OPCML: variants seen among roughly 807,000 people sequenced by gnomAD.
OPCML encodes opioid-binding protein/cell adhesion molecule.
Under a neutral mutation model 37.8 loss-of-function variants are expected in OPCML, and 13 were observed. The observed-to-expected ratio is 0.34, with a 90% confidence interval of 0.22 to 0.55. The LOEUF is 0.55. OPCML is among the 20% of genes least tolerant of loss of function. The pLI, the probability that OPCML is intolerant of heterozygous loss-of-function variation, is 0.91. For missense variants in OPCML, 341 were observed against 435.6 expected (o/e 0.78, Z 1.93); for synonymous variants, 176 against 168.8 (o/e 1.04, Z -0.33).
chr11:132,766,461 A>G (rs1946445427), intron 2 of OPCML, among the ~76,000 whole-genome samples: 1 of 152,194 alleles, frequency 6.6e-6, no homozygotes, highest in South Asian at 2.1e-4. Flanking sequence ...TTTCATGTAT[A>G]TGGTATTCCT....
intron 1 of OPCML, among the ~76,000 whole-genome samples, chr11:133,378,807 AT>A (rs916165024): frequency 5.9e-5 from 9 of 151,884 alleles, no homozygotes; most frequent in Admixed American, 5.2e-4. Context: ...ATCAGAGGTC[AT>A]TGCAGCCTTG....
At chr11:133,481,827 T>G (rs1438692164) in intron 1 of OPCML, among the ~76,000 whole-genome samples, 1 of 152,164 alleles carries the variant, frequency 6.6e-6, no homozygotes, top group Non-Finnish European at 1.5e-5. Context: ...TTCAACGGGA[T>G]GGAGGAGTAC....
At chr11:132,870,400 TG>T (rs1319301527) in intron 2 of OPCML, among the ~76,000 whole-genome samples, 2 of 152,134 alleles carry the variant, frequency 1.3e-5, no homozygotes, top group Admixed American at 6.5e-5. Context: ...CGCTTGCACA[TG>T]GTTGGTGGGG....
chr11:133,088,342 T>C (rs1177205218), intron 1 of OPCML, among the ~76,000 whole-genome samples: 1 of 152,202 alleles, frequency 6.6e-6, no homozygotes, highest in East Asian at 1.9e-4. Context: ...AATTACATCA[T>C]TTCCATAAGC....
chr11:132,425,835 G>A (rs193061773), intron 7 of OPCML, among the ~76,000 whole-genome samples: 170 of 152,316 alleles, frequency 1.1e-3, no homozygotes, highest in African/African-American at 3.8e-3. Flanking sequence ...CTGAGGAAGC[G>A]TATTCAGTAG....
intron 3 of OPCML, among the ~76,000 whole-genome samples, chr11:132,537,048 C>G (rs2096342664): frequency 6.6e-6 from 1 of 152,192 alleles, no homozygotes. Context: ...GATGGTCTTT[C>G]AGCAACAAGT....
chr11:133,458,279 C>T (rs28789452), intron 1 of OPCML, among the ~76,000 whole-genome samples: 1,431 of 40,722 alleles, frequency 0.035, 192 homozygotes, highest in Middle Eastern at 0.086. Context: ...TATATACACA[C>T]ATATATACAC....
At chr11:132,781,562 G>C (rs1947014611) in intron 2 of OPCML, among the ~76,000 whole-genome samples, 1 of 150,786 alleles carries the variant, frequency 6.6e-6, no homozygotes, top group South Asian at 2.1e-4. Context: ...AAATATATGT[G>C]GGGGTGTATA....
At chr11:133,098,061 T>G (rs1385805198) in intron 1 of OPCML, among the ~76,000 whole-genome samples, 1 of 152,022 alleles carries the variant, frequency 6.6e-6, no homozygotes, top group African/African-American at 2.4e-5. Context: ...TAAAAGATAC[T>G]ACAAGGAAAG....
At chr11:132,970,189 C>T (rs1946309193) in intron 1 of OPCML, among the ~76,000 whole-genome samples, 1 of 152,110 alleles carries the variant, frequency 6.6e-6, no homozygotes, top group African/African-American at 2.4e-5. Flanking sequence ...TCACATGCTT[C>T]ATTATGTGTT....
At position 132,802,726 on chromosome 11, in the gene OPCML, T is replaced by A. The variant is rs543427174; in HGVS notation, c.146+140200A>T. On this transcript the variant is annotated intron_variant, in intron 2 of 7. Coordinates refer to ENST00000524381, the MANE Select transcript of OPCML (RefSeq NM_001012393.5). ...GTTCCTATCCTGAGTACCAGAAAAG[T>A]GCGTGAAGTCAAAGCCATGTCAGAG... Among the ~76,000 whole-genome samples the A allele has an allele frequency of 1.1e-3, 169 of 152,216 alleles. 1 individual carries two copies. Among genetic ancestry groups the A allele is most frequent in the African/African-American group, 3.8e-3 (159 of 41,544 alleles).
At chr11:132,533,229 G>A (rs2096331060) in intron 3 of OPCML, among the ~76,000 whole-genome samples, 2 of 152,132 alleles carry the variant, frequency 1.3e-5, no homozygotes, top group Admixed American at 1.3e-4. Context: ...TTCACTGATG[G>A]TGGTGTTTTA....
intron 2 of OPCML, among the ~76,000 whole-genome samples, chr11:132,922,855 T>C (rs1944853381): frequency 6.6e-6 from 1 of 151,982 alleles, no homozygotes; most frequent in African/African-American, 2.4e-5. Flanking sequence ...GAAGGATCTC[T>C]TGAGCTCAGT....
At chr11:133,039,411 C>A (rs1204993095) in intron 1 of OPCML, among the ~76,000 whole-genome samples, 2 of 152,196 alleles carry the variant, frequency 1.3e-5, no homozygotes, top group Non-Finnish European at 2.9e-5. Context: ...CCTTCCAAAG[C>A]CCTCCAGCCC....
chr11:132,484,619 C>G (rs376447987), intron 4 of OPCML, among the ~76,000 whole-genome samples: 5 of 151,818 alleles, frequency 3.3e-5, no homozygotes, highest in Non-Finnish European at 4.4e-5. Flanking sequence ...ACATGCACAC[C>G]TATGTTTATT....
chr11:133,484,164 G>GATAGATAGA (rs1565660282), intron 1 of OPCML, among the ~76,000 whole-genome samples: 41 of 138,326 alleles, frequency 3.0e-4, no homozygotes, highest in African/African-American at 8.3e-4. Context: ...AGATAGATAG[G>GATAGATAGA]TAGATAGATA....
intron 1 of OPCML, among the ~76,000 whole-genome samples, chr11:133,367,788 T>C (rs1407806858): frequency 1.3e-5 from 2 of 152,168 alleles, no homozygotes; most frequent in Non-Finnish European, 2.9e-5. Flanking sequence ...CTCACAAACA[T>C]CCACAGATAA....
intron 4 of OPCML, among the ~76,000 whole-genome samples, chr11:132,494,062 C>A (rs111609322): frequency 6.6e-6 from 1 of 152,196 alleles, no homozygotes; most frequent in Non-Finnish European, 1.5e-5. Context: ...GCCTTACAGG[C>A]CTTCTGATTT....
chr11:133,499,979 C>A (rs1947877734), intron 1 of OPCML, among the ~76,000 whole-genome samples: 1 of 150,364 alleles, frequency 6.7e-6, no homozygotes. Context: ...TCAAGCAATT[C>A]TCCTGCCTCA....
Sources: gnomAD v4.1 joint callset for allele counts (sites outside exome capture counted in the v4.1 genomes callset) on GRCh38, gnomAD v4.1.1 for gene constraint, MANE v1.5 for transcripts, NCBI Gene and HGNC (gene_info 2026-07-23, HGNC 2026-07-21) for gene names.